FAM47E: variants seen among roughly 807,000 people sequenced by gnomAD.
The protein encoded by FAM47E is protein FAM47E.
Under a neutral mutation model 41.6 loss-of-function variants are expected in FAM47E, and 32 were observed. The ratio of observed to expected loss-of-function variants is 0.77; its 90% CI spans 0.58 to 1.03. The LOEUF (loss-of-function observed/expected upper bound fraction) is 1.03, where lower values mean the gene tolerates loss of function less well. Ranked by LOEUF, FAM47E falls within the 50% of genes least tolerant of loss-of-function variation. FAM47E has a pLI of 0.00. For synonymous variants in FAM47E, 184 were observed against 188.7 expected, an observed-to-expected ratio of 0.98 and a Z score of 0.20; for missense variants, 424 against 485.4, an observed-to-expected ratio of 0.87 and a Z score of 1.19.
rs949830253 is a variant in FAM47E, at chr4:76,271,654, G to A, written c.756G>A (p.Thr252=). 26 of 1,552,038 alleles carry A rather than the reference G, an allele frequency of 1.7e-5. No homozygotes were observed. Among genetic ancestry groups the A allele is most frequent in the Middle Eastern group, 1.7e-4 (1 of 6,018 alleles). Reference sequence around the variant, plus strand: ...AACCAAGCCATGATGCGCTCCACACGATGAAGCTAAATCAGGTTCCTCTGG... The same window carrying A: ...AACCAAGCCATGATGCGCTCCACACAATGAAGCTAAATCAGGTTCCTCTGG... ...ETKPSHDALH[T]MKLNQVPLEL... The change falls in exon 5 of 8, where the codon ACG becomes ACA. Residue 252 remains threonine, a synonymous_variant. Transcript: ENST00000424749.
At chr4:76,265,597 G>A (rs1734597908) in intron 3 of FAM47E, among the ~76,000 whole-genome samples, 2 of 116,960 alleles carry the variant, frequency 1.7e-5, no homozygotes, top group Admixed American at 9.0e-5. Context: ...TGAGTGACAG[G>A]AATGCTTTTT....
intron 6 of FAM47E, chr4:76,279,088 G>A (rs1015226943): frequency 9.9e-5 from 15 of 152,144 alleles, no homozygotes. Context: ...TTCCAGTACT[G>A]AATATAAATT....
At chr4:76,257,575 C>T (rs1295932299) in intron 2 of FAM47E, among the ~76,000 whole-genome samples, 1 of 152,128 alleles carries the variant, frequency 6.6e-6, no homozygotes, top group Non-Finnish European at 1.5e-5. Context: ...CACCCCTGCT[C>T]CTGCCACTCC....
At chr4:76,226,957 T>C (rs1307158861) in intron 2 of FAM47E, among the ~76,000 whole-genome samples, 1 of 152,182 alleles carries the variant, frequency 6.6e-6, no homozygotes, top group Non-Finnish European at 1.5e-5. Flanking sequence ...CAATTTTGTT[T>C]ATCATTTCAA....
At chr4:76,259,428 C>A (rs1214279687) in intron 2 of FAM47E, among the ~76,000 whole-genome samples, 1 of 152,190 alleles carries the variant, frequency 6.6e-6, no homozygotes, top group Non-Finnish European at 1.5e-5. Context: ...TTGGATGGCA[C>A]TTTCAAGACT....
At chr4:76,221,583 G>A (rs1733308103) in intron 2 of FAM47E, among the ~76,000 whole-genome samples, 1 of 152,140 alleles carries the variant, frequency 6.6e-6, no homozygotes, top group East Asian at 1.9e-4. Context: ...GCTTTCTAAA[G>A]TGCTGGGATT....
intron 2 of FAM47E, among the ~76,000 whole-genome samples, chr4:76,221,967 T>G (rs910371163): frequency 3.3e-5 from 5 of 152,342 alleles, no homozygotes; most frequent in Middle Eastern, 3.4e-3. Context: ...GTTGTGGAAT[T>G]CATCCCAAAC....
rs953134208 is a variant in FAM47E at position 76,218,101 on chromosome 4, G to C, written c.81+413G>C. Among the ~76,000 whole-genome samples the C allele has an allele frequency of 3.3e-5, 5 of 152,252 alleles. No individual in the cohort carries two copies. In the East Asian group the frequency reaches 9.6e-4, roughly 29 times the overall value. ...CCAGCATTTTGGGAAGCCAAGGCAG[G>C]AGAATCACTTGATCCCAGGAGTTTG... On this transcript the variant is annotated intron_variant, in intron 2 of 7. Transcript: ENST00000510197.
In FAM47E at chr4:76,271,660, G is replaced by A. The variant is rs977254577; in HGVS notation, c.762G>A (p.Lys254=). Residue 254 remains lysine (K), a synonymous_variant, in exon 5 of 8, where the codon AAG becomes AAA. Coordinates refer to ENST00000424749, the MANE Select transcript of FAM47E (RefSeq NM_001136570.3). ...GCCATGATGCGCTCCACACGATGAA[G>A]CTAAATCAGGTTCCTCTGGAGCTAA... ...KPSHDALHTM[K]LNQVPLELKR... is the part of the protein sequence containing the mutation. 5 of 1,552,132 alleles carry A rather than the reference G, an allele frequency of 3.2e-6. No homozygotes were observed. The highest frequency in any genetic ancestry group is 1.4e-5 in the African/African-American group (1 of 73,156).
intron 2 of FAM47E, among the ~76,000 whole-genome samples, chr4:76,262,090 TG>T (rs1179946188): frequency 6.6e-6 from 1 of 152,138 alleles, no homozygotes; most frequent in African/African-American, 2.4e-5. Context: ...TGAGTATATG[TG>T]GAATGGATTT....
intron 2 of FAM47E, among the ~76,000 whole-genome samples, chr4:76,237,351 GT>G (rs71924228): frequency 0.083 from 11,724 of 141,688 alleles, 594 homozygotes; most frequent in African/African-American, 0.14. Context: ...GGGCCTTAGA[GT>G]TTTTTTTTTT....
In FAM47E at chr4:76,251,830, C is replaced by T. The variant is rs1411514439; in HGVS notation, c.74+10C>T. On this transcript the variant is annotated intron_variant, in intron 1 of 7. Transcript: ENST00000424749. ...TGAACTGCAGGTCCAGGTAAACACT[C>T]AGCGCCCGGGCCGAGGGCGCATCCC... 1.4e-6 allele frequency: 2 copies of T among 1,446,052 alleles called. No individual in the cohort carries two copies. Among genetic ancestry groups the T allele is most frequent in the Non-Finnish European group, 1.8e-6 (2 of 1,103,972 alleles). The allele number at this position is 1,446,052 out of a possible 1,614,324, so 89.6% of individuals were successfully genotyped here.
At chr4:76,215,711 T>C (rs1733194169) in intron 1 of FAM47E, among the ~76,000 whole-genome samples, 1 of 152,102 alleles carries the variant, frequency 6.6e-6, no homozygotes, top group African/African-American at 2.4e-5. Context: ...CACCCCTAAG[T>C]TCAGCTACCC....
intron 1 of FAM47E, among the ~76,000 whole-genome samples, chr4:76,252,087 A>G (rs1267736998): frequency 6.6e-6 from 1 of 152,134 alleles, no homozygotes; most frequent in Non-Finnish European, 1.5e-5. Context: ...CTGATGGGAA[A>G]GTGATGGCCG....
At chr4:76,268,946 T>A in intron 4 of FAM47E, 178 bp downstream of exon 4, 1 of 706,022 alleles carries the variant, frequency 1.4e-6, no homozygotes. Context: ...CTATTATGTA[T>A]AAATAGAAAT....
chr4:76,256,271 G>A lies in FAM47E; in HGVS notation c.168G>A (p.Arg56=), dbSNP rs1239954681. The part of the protein sequence containing the change: ...VFPRKGLDDF[R]KGCPPCTGLV... ...CAAGAAAGGGGCTGGACGACTTCAG[G>A]AAGGGCTGCCCGCCTTGCACTGGTC... The change falls in exon 2 of 8, where the codon AGG becomes AGA. Residue 56 remains arginine, a synonymous_variant. Coordinates refer to ENST00000424749, the MANE Select transcript of FAM47E (RefSeq NM_001136570.3). 11 of 1,551,592 alleles carry A rather than the reference G, an allele frequency of 7.1e-6. No homozygotes were observed. Among genetic ancestry groups the A allele is most frequent in the Non-Finnish European group, 8.7e-6 (10 of 1,147,010 alleles).
chr4:76,227,466 C>T lies in FAM47E; in HGVS notation c.81+9778C>T, dbSNP rs148920031. ...CCTGTTTTGTGGCCTATCATATGGT[C>T]TATCTTGGAGAATGTTCCATGGGCT... On this transcript the variant is annotated intron_variant, in intron 2 of 7. Coordinates refer to the FAM47E transcript ENST00000510197. 3.0e-4 allele frequency among the ~76,000 whole-genome samples: 45 copies of T among 152,250 alleles called. No individual in the cohort carries two copies. The East Asian group carries it at 8.1e-3, about 27-fold the overall frequency.
chr4:76,232,758 G>A (rs1733515063), intron 2 of FAM47E, among the ~76,000 whole-genome samples: 1 of 151,902 alleles, frequency 6.6e-6, no homozygotes, highest in Non-Finnish European at 1.5e-5. Context: ...CTAAAAGCCA[G>A]GTATCAGAAA....
chr4:76,261,673 A>G (rs1734424092), intron 2 of FAM47E, among the ~76,000 whole-genome samples: 1 of 152,090 alleles, frequency 6.6e-6, no homozygotes, highest in Non-Finnish European at 1.5e-5. Flanking sequence ...GCCTCCAAAA[A>G]GGGGGGTTAG....
Sources: allele counts gnomAD v4.1 joint callset (sites outside exome capture counted in the v4.1 genomes callset), GRCh38; gene constraint gnomAD v4.1.1; transcripts MANE v1.5; gene names NCBI Gene and HGNC (gene_info 2026-07-23, HGNC 2026-07-21).